Variants in PHTF1 observed in about 807,000 individuals in gnomAD.
The protein encoded by PHTF1 is protein PHTF1.
Under a neutral mutation model 102.4 loss-of-function variants are expected in PHTF1, and 88 were observed. The observed-to-expected ratio is 0.86, with a 90% CI of 0.72 to 1.03. The LOEUF is 1.03. Among genes scored for constraint, PHTF1 ranks in the 50% least tolerant of loss-of-function variants. The pLI, the probability that PHTF1 is intolerant of heterozygous loss-of-function variation, is 0.00. For missense variants in PHTF1, 814 were observed against 909.5 expected, an observed-to-expected ratio of 0.89 and a Z score of 1.35; for synonymous variants, 289 against 305.2, an observed-to-expected ratio of 0.95 and a Z score of 0.55.
At chr1:113,715,664 A>AAAAAAAAAAAAAC (rs1651885812) in intron 7 of PHTF1, among the ~76,000 whole-genome samples, 1 of 147,230 alleles carries the variant, frequency 6.8e-6, no homozygotes, top group Non-Finnish European at 1.5e-5. Flanking sequence ...AAAAAAAAAA[A>AAAAAAAAAAAAAC]AAAAAAAAAA....
At chr1:113,703,895 A>G in intron 15 of PHTF1, 186 bp downstream of exon 15, 1 of 534,076 alleles carries the variant, frequency 1.9e-6, no homozygotes, top group South Asian at 3.2e-5. Flanking sequence ...TTACAGTTTG[A>G]AAGGACTTCA....
chr1:113,741,537 T>A (rs1656355703), intron 3 of PHTF1, among the ~76,000 whole-genome samples: 1 of 152,212 alleles, frequency 6.6e-6, no homozygotes, highest in South Asian at 2.1e-4. Context: ...CTATTCCCCA[T>A]CACTTTAGAG....
At chr1:113,723,488 TCA>T (rs1653332729) in intron 7 of PHTF1, among the ~76,000 whole-genome samples, 1 of 152,178 alleles carries the variant, frequency 6.6e-6, no homozygotes, top group African/African-American at 2.4e-5. Context: ...AACAGTGAAC[TCA>T]GTTTTGACAA....
At chr1:113,750,055 C>T (rs1657810103) in intron 3 of PHTF1, among the ~76,000 whole-genome samples, 1 of 151,990 alleles carries the variant, frequency 6.6e-6, no homozygotes, top group African/African-American at 2.4e-5. Context: ...AGTGCAGTGG[C>T]ACAATCATAG....
In PHTF1 at chr1:113,704,799, T is replaced by A. The variant is rs757284868; in HGVS notation, c.1672-2A>T. The A allele has an allele frequency of 6.4e-7, 1 of 1,572,054 alleles. No individual in the cohort carries two copies. The highest frequency in any genetic ancestry group is 2.2e-5 in the East Asian group (1 of 44,500). On this transcript the variant is annotated splice_acceptor_variant, in intron 13 of 18. Transcript: ENST00000369604. LOFTEE classifies it high-confidence loss of function. ...GAAGAGTTTTGCAAATAAAAATCTC[T>A]AGAAGAGATTTAAAAAAAATCACAG...
intron 5 of PHTF1, among the ~76,000 whole-genome samples, chr1:113,730,157 G>A (rs1189945990): frequency 6.6e-6 from 1 of 151,984 alleles, no homozygotes; most frequent in Non-Finnish European, 1.5e-5. Flanking sequence ...CCAAACTGGA[G>A]GCTGATATCT....
chr1:113,698,393 A>G lies in PHTF1; in HGVS notation c.2143-6T>C. 2 of 1,609,608 alleles carry G rather than the reference A, an allele frequency of 1.2e-6. No individual in the cohort carries two copies. The highest frequency in any genetic ancestry group is 1.1e-5 in the South Asian group (1 of 90,532). On this transcript the variant is annotated splice_polypyrimidine_tract_variant and splice_region_variant and intron_variant, in intron 17 of 18. Transcript: ENST00000369604. ...CTAAATGGTGTGTCCAGCTCCTACA[A>G]AAAACATCAAAGAATTGAAATGAGA...
chr1:113,742,761 A>G (rs1355968173), intron 3 of PHTF1, among the ~76,000 whole-genome samples: 1 of 152,240 alleles, frequency 6.6e-6, no homozygotes, highest in African/African-American at 2.4e-5. Flanking sequence ...ACACTGCTGT[A>G]GTACACTATT....
chr1:113,717,713 G>A (rs1051123777), intron 7 of PHTF1, among the ~76,000 whole-genome samples: 4 of 152,100 alleles, frequency 2.6e-5, no homozygotes, highest in Non-Finnish European at 5.9e-5. Flanking sequence ...ATGGTGGCGG[G>A]CAAGAGAAAA....
chr1:113,724,400 G>A (rs2101418469), intron 7 of PHTF1, among the ~76,000 whole-genome samples: 1 of 152,176 alleles, frequency 6.6e-6, no homozygotes, highest in Non-Finnish European at 1.5e-5. Flanking sequence ...TTAGCTGGGT[G>A]TGGCGGCGGG....
At chr1:113,727,718 G>T (rs1654055549) in intron 5 of PHTF1, among the ~76,000 whole-genome samples, 1 of 152,124 alleles carries the variant, frequency 6.6e-6, no homozygotes, top group Non-Finnish European at 1.5e-5. Flanking sequence ...TGTAATCCCA[G>T]CACTTTTTGA....
chr1:113,700,790 A>ATACCTG lies in PHTF1; in HGVS notation c.2044_2046+3dup. On this transcript the variant is annotated splice_donor_region_variant and intron_variant, in intron 16 of 18. Transcript: ENST00000369604. ...TAAACCCAATTGACAGGACTGATCA[A>ATACCTG]TACCTGTTCTGTAAGTAATATTGAA... 1.2e-6 allele frequency: 2 copies of ATACCTG among 1,613,190 alleles called. No individual in the cohort carries two copies. Among genetic ancestry groups the ATACCTG allele is most frequent in the Non-Finnish European group, 8.5e-7 (1 of 1,179,212 alleles).
Position 113,704,158 on chromosome 1 carries a change from G to GC in PHTF1, c.1812dup (p.Pro605AlafsTer6), listed in dbSNP as rs747075651. On this transcript the variant is annotated frameshift_variant, in exon 15 of 19. Coordinates refer to ENST00000369604, the MANE Select transcript of PHTF1 (RefSeq NM_001323043.2). LOFTEE classifies it high-confidence loss of function. ...ACAACCACATCAACTGAACGCTGTGGCCCCCGTCTCTGTGGAGTGAGACAC... is the reference window on the plus strand; with the variant it reads ...ACAACCACATCAACTGAACGCTGTGGCCCCCCGTCTCTGTGGAGTGAGACAC... The GC allele has an allele frequency of 5.0e-6, 8 of 1,610,926 alleles. No homozygotes were observed. The highest frequency in any genetic ancestry group is 6.8e-6 in the Non-Finnish European group (8 of 1,177,702).
intron 11 of PHTF1, among the ~76,000 whole-genome samples, chr1:113,708,169 C>A (rs1377155216): frequency 2.0e-5 from 3 of 152,180 alleles, no homozygotes; most frequent in Non-Finnish European, 4.4e-5. Flanking sequence ...ATCACTCTGG[C>A]TGTAGCAAGG....
At chr1:113,704,956 G>A (rs919956102) in intron 13 of PHTF1, among the ~76,000 whole-genome samples, 159 bp from the exon 14 acceptor site, 3 of 152,224 alleles carry the variant, frequency 2.0e-5, no homozygotes, top group East Asian at 1.9e-4. Flanking sequence ...TTAATAGCTC[G>A]TTACCCTGTT....
chr1:113,707,586 C>T lies in PHTF1; in HGVS notation c.1270-864G>A, dbSNP rs116574008. Among the ~76,000 whole-genome samples the T allele has an allele frequency of 7.5e-3, 1,141 of 152,196 alleles. 13 individuals carry two copies. Among genetic ancestry groups the T allele is most frequent in the African/African-American group, 0.026 (1,099 of 41,522 alleles). On this transcript the variant is annotated intron_variant, in intron 11 of 18. Coordinates refer to ENST00000369604, the MANE Select transcript of PHTF1 (RefSeq NM_001323043.2). The stretch of plus-strand genomic sequence containing the variant: ...AAAAGATAATCTTCTAGAAAAGGAC[C>T]ATCTGGCATATTTTTTCTCTTCTAC...
At chr1:113,697,834 G>A in intron 18 of PHTF1, 109 bp from the exon 19 acceptor site, 1 of 749,872 alleles carries the variant, frequency 1.3e-6, no homozygotes, top group Non-Finnish European at 2.3e-6. Context: ...AGAAGAAAAT[G>A]TATCAAGTCT....
intron 3 of PHTF1, among the ~76,000 whole-genome samples, chr1:113,747,870 A>G (rs934390645): frequency 2.6e-5 from 4 of 152,098 alleles, no homozygotes; most frequent in Non-Finnish European, 4.4e-5. Flanking sequence ...TGTCTACATG[A>G]TCCGTTTTGA....
intron 3 of PHTF1, among the ~76,000 whole-genome samples, chr1:113,739,365 A>G (rs555163250): frequency 3.3e-5 from 5 of 152,306 alleles, no homozygotes; most frequent in African/African-American, 1.2e-4. Flanking sequence ...TCAATACGTG[A>G]AAAACAACAG....
Sources: allele counts gnomAD v4.1 joint callset (sites outside exome capture counted in the v4.1 genomes callset), GRCh38; gene constraint gnomAD v4.1.1; transcripts MANE v1.5; gene names NCBI Gene and HGNC (gene_info 2026-07-23, HGNC 2026-07-21).